The following PTPRN2 variants were observed in gnomAD, a reference collection of about 807,000 sequenced individuals.
The protein encoded by PTPRN2 is protein tyrosine phosphatase receptor type N2.
PTPRN2 carries 74 observed loss-of-function variants against 118.8 expected under a neutral mutation model. The observed-to-expected ratio is 0.62, with a 90% CI of 0.52 to 0.76. The LOEUF (loss-of-function observed/expected upper bound fraction) is 0.76, where lower values mean the gene tolerates loss of function less well. Ranked by LOEUF, PTPRN2 falls within the 30% of genes least tolerant of loss-of-function variation. The pLI, the probability that PTPRN2 is intolerant of heterozygous loss-of-function variation, is 0.00. For synonymous variants in PTPRN2, 641 were observed against 608.0 expected (o/e 1.05, Z -0.80); for missense variants, 1,481 against 1,394.4 (o/e 1.06, Z -0.99).
chr7:158,332,815 A>G (rs1401423445), intron 2 of PTPRN2, among the ~76,000 whole-genome samples: 19 of 141,174 alleles, frequency 1.3e-4, no homozygotes, highest in African/African-American at 4.1e-4. Flanking sequence ...TCACTCACGT[A>G]CACACTTCTC....
rs1799779879 is a variant in PTPRN2 at position 157,729,573 on chromosome 7, A to G, written c.1789-46636T>C. The stretch of plus-strand genomic sequence containing the variant: ...GAGCCGGACACCATCAAACAACATC[A>G]GAGCTTGCAAAAGGAGCTCTGCAGT... On this transcript the variant is annotated intron_variant, in intron 12 of 22. Transcript: ENST00000389418. The surrounding 1 kb of genome is among the most constrained non-coding windows in gnomAD (Gnocchi z 4.3). Among the ~76,000 whole-genome samples the G allele has an allele frequency of 6.6e-6, 1 of 152,226 alleles. No individual in the cohort carries two copies. The highest frequency in any genetic ancestry group is 2.4e-5 in the African/African-American group (1 of 41,456).
chr7:158,166,846 G>A, intron 6 of PTPRN2, 85 bp downstream of exon 6: 1 of 1,374,608 alleles, frequency 7.3e-7, no homozygotes, highest in Non-Finnish European at 9.5e-7. Flanking sequence ...CCCCACGTGT[G>A]GGAAGAGCAT....
intron 13 of PTPRN2, among the ~76,000 whole-genome samples, chr7:157,675,331 A>G (rs552874290): frequency 6.6e-6 from 1 of 152,246 alleles, no homozygotes; most frequent in South Asian, 2.1e-4. Context: ...TGAGGTGTTC[A>G]GAGCACAGAT....
intron 3 of PTPRN2, among the ~76,000 whole-genome samples, chr7:158,241,867 C>T (rs938650247): frequency 2.0e-5 from 3 of 152,194 alleles, no homozygotes; most frequent in African/African-American, 7.2e-5. Context: ...AATGTTCCCA[C>T]AAAGTGCATA....
At chr7:158,457,805 G>A (rs1355646501) in intron 2 of PTPRN2, among the ~76,000 whole-genome samples, 4 of 149,030 alleles carry the variant, frequency 2.7e-5, no homozygotes, top group East Asian at 4.0e-4. Flanking sequence ...GGTGAGGGGC[G>A]TTAACACCAG....
At chr7:157,651,079 G>A (rs912588215) in intron 14 of PTPRN2, among the ~76,000 whole-genome samples, 2 of 152,232 alleles carry the variant, frequency 1.3e-5, no homozygotes, top group Admixed American at 6.5e-5. Flanking sequence ...GTCTCACGCT[G>A]GGAGTTCAGA....
At position 158,003,513 on chromosome 7, in the gene PTPRN2, CAGA is replaced by C. The variant is rs1397335732; in HGVS notation, c.1723+77782_1723+77784del. Among the ~76,000 whole-genome samples the C allele has an allele frequency of 2.0e-5, 3 of 151,990 alleles. No homozygotes were observed. In the East Asian group the frequency reaches 5.8e-4, roughly 29 times the overall value. On this transcript the variant is annotated intron_variant, in intron 11 of 22. Transcript: ENST00000389418. This position sits in a 1 kb window ranked among gnomAD's most constrained non-coding sequence, Gnocchi z 5.0. ...AAGAGACACACAGCCTGCATCTACA[CAGA>C]AGGACAGCCCCTGAGGACGTGGCCA...
chr7:158,214,382 G>A (rs10256328), intron 3 of PTPRN2, among the ~76,000 whole-genome samples: 39,358 of 148,008 alleles, frequency 0.27, 5,949 homozygotes, highest in African/African-American at 0.42. Flanking sequence ...GCCGCAATCC[G>A]GAAACACCAG....
At chr7:158,423,647 C>T (rs1815454965) in intron 2 of PTPRN2, among the ~76,000 whole-genome samples, 1 of 152,128 alleles carries the variant, frequency 6.6e-6, no homozygotes, top group Non-Finnish European at 1.5e-5. Context: ...GATTCTCCTG[C>T]CTCAGCCTCC....
At chr7:158,265,476 TAGGCACCCACCTGC>T (rs1428810414) in intron 3 of PTPRN2, among the ~76,000 whole-genome samples, 1 of 151,004 alleles carries the variant, frequency 6.6e-6, no homozygotes, top group Non-Finnish European at 1.5e-5. Context: ...CACCTGGAGG[TAGGCACCCACCTGC>T]AGGCACCCAC....
At chr7:157,594,534 G>A (rs1676152295) in intron 17 of PTPRN2, among the ~76,000 whole-genome samples, 3 of 152,342 alleles carry the variant, frequency 2.0e-5, no homozygotes, top group South Asian at 4.1e-4. Context: ...TCCCCAGCTC[G>A]ACTCTCCTTA....
At chr7:157,695,699 CA>C (rs1797732728) in intron 12 of PTPRN2, among the ~76,000 whole-genome samples, 1 of 152,224 alleles carries the variant, frequency 6.6e-6, no homozygotes, top group Non-Finnish European at 1.5e-5. Context: ...ATGTATTAAC[CA>C]CCAGTAGTTA....
intron 14 of PTPRN2, among the ~76,000 whole-genome samples, chr7:157,625,626 AG>A (rs1295137246): frequency 6.6e-6 from 1 of 152,208 alleles, no homozygotes; most frequent in African/African-American, 2.4e-5. Flanking sequence ...AATATGGTGC[AG>A]TGTATACTGC....
rs1314435555 is a variant in PTPRN2 at position 158,467,134 on chromosome 7, G to A, written c.163+22601C>T. On this transcript the variant is annotated intron_variant, in intron 2 of 22. Transcript: ENST00000389418. ...ACAGGTGTGAGAGGGTAAGTCACTG[G>A]GGCTCTGATGTGCGTTTCCAATGAT... Among the ~76,000 whole-genome samples, 6 of 152,116 alleles carry A rather than the reference G, an allele frequency of 3.9e-5. No individual in the cohort carries two copies. The South Asian group carries it at 1.2e-3, about 32-fold the overall frequency.
At chr7:157,733,346 T>C (rs34442715) in intron 12 of PTPRN2, among the ~76,000 whole-genome samples, 174 of 15,064 alleles carry the variant, frequency 0.012, 16 homozygotes, top group Non-Finnish European at 0.019. Flanking sequence ...TTCCGTCCCA[T>C]GCGCCCAGCA....
intron 2 of PTPRN2, among the ~76,000 whole-genome samples, chr7:158,444,659 C>A (rs1475037086): frequency 6.6e-6 from 1 of 152,210 alleles, no homozygotes; most frequent in Admixed American, 6.5e-5. Flanking sequence ...CTCGCCAGAA[C>A]GTCTCAGGAA....
intron 12 of PTPRN2, among the ~76,000 whole-genome samples, chr7:157,725,030 C>G (rs953707823): frequency 9.9e-5 from 15 of 152,226 alleles, no homozygotes; most frequent in Non-Finnish European, 2.1e-4. Context: ...TTCTCGTGTC[C>G]TTAAAAATAA....
At chr7:158,503,381 A>G (rs188163962) in intron 1 of PTPRN2, among the ~76,000 whole-genome samples, 2 of 152,374 alleles carry the variant, frequency 1.3e-5, no homozygotes, top group Admixed American at 6.5e-5. Context: ...GGTTTAATCA[A>G]CAGGTCCTTG....
chr7:158,135,056 C>T (rs1032454793), intron 8 of PTPRN2, among the ~76,000 whole-genome samples: 23 of 152,160 alleles, frequency 1.5e-4, no homozygotes, highest in African/African-American at 4.8e-4. Flanking sequence ...CTGGCACATA[C>T]CAGGCAACCC....
Sources: allele counts gnomAD v4.1 joint callset (sites outside exome capture counted in the v4.1 genomes callset), GRCh38; gene constraint gnomAD v4.1.1; non-coding constraint Gnocchi (gnomAD v3.1); transcripts MANE v1.5; gene names NCBI Gene and HGNC (gene_info 2026-07-23, HGNC 2026-07-21).